Variants in TTC1 observed in about 807,000 individuals in gnomAD.
The protein encoded by TTC1 is tetratricopeptide repeat domain 1.
In TTC1, 31 loss-of-function variants were observed where a neutral mutation model predicts 37.6. The observed-to-expected ratio is 0.82, with a 90% CI of 0.62 to 1.11. The LOEUF is 1.11. Ranked by LOEUF, TTC1 falls within the 50% of genes most tolerant of loss-of-function variation. TTC1 has a pLI of 0.00. For synonymous variants in TTC1, 127 were observed against 122.4 expected (o/e 1.04, Z -0.25); for missense variants, 351 against 339.0 (o/e 1.04, Z -0.28).
At chr5:160,035,231 TC>T in intron 3 of TTC1, 31 bp downstream of exon 3, 1 of 1,547,912 alleles carries the variant, frequency 6.5e-7, no homozygotes, top group Non-Finnish European at 8.8e-7. Flanking sequence ...GATAATCTGG[TC>T]ATCTTGACTC....
At chr5:160,030,989 C>T (rs1561629490) in intron 2 of TTC1, among the ~76,000 whole-genome samples, 2 of 152,128 alleles carry the variant, frequency 1.3e-5, no homozygotes, top group Admixed American at 6.6e-5. Context: ...CTAAGGAAGA[C>T]CTATACACTA....
chr5:160,052,547 G>T (rs1200199699), intron 7 of TTC1, among the ~76,000 whole-genome samples: 3 of 6,590 alleles, frequency 4.6e-4, no homozygotes, highest in African/African-American at 7.2e-4. Context: ...CTCTATTTTA[G>T]CAAAAAAAAA....
At chr5:160,009,390 T>A (rs1458576502) in intron 1 of TTC1, among the ~76,000 whole-genome samples, 197 bp downstream of exon 1, 6 of 152,186 alleles carry the variant, frequency 3.9e-5, no homozygotes, top group African/African-American at 1.4e-4. Flanking sequence ...GCTGGTTTTT[T>A]AAGTTTTCTT....
intron 7 of TTC1, among the ~76,000 whole-genome samples, chr5:160,055,859 A>C (rs1372742527): frequency 6.6e-6 from 1 of 152,266 alleles, no homozygotes; most frequent in African/African-American, 2.4e-5. Context: ...GCAGCAGAGA[A>C]AAACTAGAAA....
chr5:160,012,031 C>CAGG (rs1392678402), intron 2 of TTC1, among the ~76,000 whole-genome samples: 1 of 152,058 alleles, frequency 6.6e-6, no homozygotes, highest in African/African-American at 2.4e-5. Flanking sequence ...ACCACCAGAA[C>CAGG]AGGAGGAAAA....
chr5:160,048,557 T>G (rs1157998165), intron 5 of TTC1, among the ~76,000 whole-genome samples: 1 of 152,192 alleles, frequency 6.6e-6, no homozygotes, highest in East Asian at 1.9e-4. Context: ...GGGCAGCTGA[T>G]GCTGGATAAA....
chr5:160,020,799 A>G, intron 2 of TTC1, among the ~76,000 whole-genome samples: 1 of 152,218 alleles, frequency 6.6e-6, no homozygotes, highest in Non-Finnish European at 1.5e-5. Flanking sequence ...TAGGGCTCCC[A>G]CTGATTCTAC....
Position 160,019,691 on chromosome 5 carries a change from G to A in TTC1, c.330+8833G>A, listed in dbSNP as rs762090388. Among the ~76,000 whole-genome samples the A allele has an allele frequency of 3.5e-4, 52 of 148,624 alleles. 1 individual carries two copies. Among genetic ancestry groups the A allele is most frequent in the Admixed American group, 1.0e-3 (15 of 14,488 alleles). On this transcript the variant is annotated intron_variant, in intron 2 of 7. Coordinates refer to ENST00000231238, the MANE Select transcript of TTC1 (RefSeq NM_003314.3). Reference sequence around the variant, plus strand: ...CAACCTCCGCCTCCCGGATTCAAGCGATTCTCTCTCTGCCTCCCGAGTAGC... The same window carrying A: ...CAACCTCCGCCTCCCGGATTCAAGCAATTCTCTCTCTGCCTCCCGAGTAGC...
At chr5:160,017,091 G>C (rs1038282556) in intron 2 of TTC1, among the ~76,000 whole-genome samples, 10 of 152,212 alleles carry the variant, frequency 6.6e-5, no homozygotes, top group Admixed American at 3.9e-4. Flanking sequence ...TGGAATTTTA[G>C]CTAACATTTG....
At chr5:160,062,543 T>C (rs3733869) in intron 7 of TTC1, among the ~76,000 whole-genome samples, 100,399 of 152,090 alleles carry the variant, frequency 0.66, 33,163 homozygotes, top group East Asian at 0.73. Context: ...CCCAGTGGCT[T>C]ACATGATAGA....
intron 7 of TTC1, chr5:160,061,662 T>C (rs1313228831): frequency 1.5e-5 from 2 of 130,072 alleles, no homozygotes; most frequent in Non-Finnish European, 3.3e-5. Context: ...CGCATTTTCT[T>C]TTTTTTTTTC....
At chr5:160,064,206 T>C (rs548555906) in intron 7 of TTC1, among the ~76,000 whole-genome samples, 75 of 152,084 alleles carry the variant, frequency 4.9e-4, no homozygotes, top group African/African-American at 1.7e-3. Flanking sequence ...TGACCTCAGG[T>C]GATCCACCCA....
intron 7 of TTC1, among the ~76,000 whole-genome samples, chr5:160,064,030 G>A (rs1264636951): frequency 6.7e-6 from 1 of 149,980 alleles, no homozygotes; most frequent in Non-Finnish European, 1.5e-5. Flanking sequence ...GTGCAGTGGC[G>A]CAATCTCAGC....
At chr5:160,023,684 G>A in intron 2 of TTC1, 2 of 1,461,004 alleles carry the variant, frequency 1.4e-6, no homozygotes, top group Non-Finnish European at 1.9e-6. Flanking sequence ...ACAAAGCCGT[G>A]TGCACAAGGC....
chr5:160,041,163 CG>C (rs1210409003), intron 4 of TTC1, among the ~76,000 whole-genome samples: 1 of 152,032 alleles, frequency 6.6e-6, no homozygotes, highest in Non-Finnish European at 1.5e-5. Flanking sequence ...TCCATACTTC[CG>C]ATAGGACCTG....
At chr5:160,040,810 G>A (rs186004121) in intron 4 of TTC1, among the ~76,000 whole-genome samples, 1 of 151,440 alleles carries the variant, frequency 6.6e-6, no homozygotes, top group African/African-American at 2.4e-5. Context: ...ATGGGGTCTT[G>A]TGTTTCACAG....
intron 1 of TTC1, among the ~76,000 whole-genome samples, chr5:160,009,650 A>G (rs1756458997): frequency 6.6e-6 from 1 of 152,144 alleles, no homozygotes; most frequent in Non-Finnish European, 1.5e-5. Flanking sequence ...GACACTAATA[A>G]ATCAGAATTT....
At chr5:160,034,695 A>G (rs1756972549) in intron 2 of TTC1, among the ~76,000 whole-genome samples, 1 of 152,230 alleles carries the variant, frequency 6.6e-6, no homozygotes, top group Non-Finnish European at 1.5e-5. Context: ...TTAAAGCTTC[A>G]TTTTTGAAAT....
rs1415433241 is a variant in TTC1 at position 160,065,450 on chromosome 5, C to CCCGCCTGCTGT, written c.*388_*398dup. ...GCCCAGACATGATTGATGACGGGTT[C>CCCGCCTGCTGT]CCGCCTGCTGTCCCCTCCCTGATCA... On this transcript the variant is annotated 3_prime_UTR_variant, in exon 8 of 8. Transcript: ENST00000231238. 1 of 460,990 alleles carries CCCGCCTGCTGT rather than the reference C, an allele frequency of 2.2e-6. No individual in the cohort carries two copies. Among genetic ancestry groups the CCCGCCTGCTGT allele is most frequent in the East Asian group, 6.8e-5 (1 of 14,650 alleles). 28.6% of individuals were successfully genotyped at this position (460,990 alleles called of 1,614,324 possible). A position where few individuals can be genotyped will look rare whatever the true frequency, so the allele number is the denominator to read the frequency against.
Sources: gnomAD v4.1 joint callset for allele counts (sites outside exome capture counted in the v4.1 genomes callset) on GRCh38, gnomAD v4.1.1 for gene constraint, MANE v1.5 for transcripts, NCBI Gene and HGNC (gene_info 2026-07-23, HGNC 2026-07-21) for gene names.